Variants in GRID2 observed in about 807,000 individuals in gnomAD.
GRID2 encodes the protein glutamate receptor ionotropic, delta-2.
Under a neutral mutation model 114.8 loss-of-function variants are expected in GRID2, and 33 were observed. That is an observed-to-expected ratio of 0.29 (90% CI 0.22 to 0.38). The LOEUF is 0.38. Ranked by LOEUF, GRID2 falls within the 10% of genes least tolerant of loss-of-function variation. GRID2 has a pLI of 1.00. For missense variants in GRID2, 1,184 were observed against 1,257.7 expected, an observed-to-expected ratio of 0.94 and a Z score of 0.89; for synonymous variants, 505 against 449.9, an observed-to-expected ratio of 1.12 and a Z score of -1.55.
chr4:92,598,443 TGACTCTCCATATTATACTGCA>T (rs931582779), intron 2 of GRID2, among the ~76,000 whole-genome samples: 1 of 152,176 alleles, frequency 6.6e-6, no homozygotes, highest in African/African-American at 2.4e-5. Flanking sequence ...TTTTAATCCT[TGACTCTCCATATTATACTGCA>T]GACACTCAAA....
At chr4:93,102,570 G>T (rs1452181209) in intron 3 of GRID2, among the ~76,000 whole-genome samples, 2 of 151,610 alleles carry the variant, frequency 1.3e-5, no homozygotes, top group African/African-American at 2.4e-5. Flanking sequence ...TAGGCCAGAG[G>T]ACATGGAGAG....
intron 2 of GRID2, among the ~76,000 whole-genome samples, chr4:92,692,024 C>CA (rs1734206423): frequency 1.3e-5 from 2 of 152,058 alleles, no homozygotes; most frequent in East Asian, 3.8e-4. Flanking sequence ...AACTTAGAGA[C>CA]AAAAAGCCAC....
At chr4:92,314,842 CT>C (rs1467178020) in intron 1 of GRID2, among the ~76,000 whole-genome samples, 1 of 152,106 alleles carries the variant, frequency 6.6e-6, no homozygotes, top group Non-Finnish European at 1.5e-5. Flanking sequence ...GTAAAGGATA[CT>C]CAACGTGTAG....
chr4:92,960,446 G>C (rs1408567108), intron 2 of GRID2, among the ~76,000 whole-genome samples: 1 of 151,980 alleles, frequency 6.6e-6, no homozygotes, highest in Non-Finnish European at 1.5e-5. Context: ...ATGCAATGCT[G>C]TTAAGTATGT....
intron 2 of GRID2, among the ~76,000 whole-genome samples, chr4:92,785,938 T>A (rs1460941719): frequency 1.3e-5 from 2 of 151,878 alleles, no homozygotes; most frequent in Non-Finnish European, 2.9e-5. Context: ...GAACATATGA[T>A]TTAAGTTTAA....
intron 2 of GRID2, among the ~76,000 whole-genome samples, chr4:92,949,024 C>A (rs180999434): frequency 4.6e-5 from 7 of 150,966 alleles, no homozygotes; most frequent in African/African-American, 1.7e-4. Flanking sequence ...GCTTGATGTG[C>A]TTTTCTCTTA....
intron 8 of GRID2, among the ~76,000 whole-genome samples, chr4:93,259,388 A>G (rs1474497313): frequency 6.6e-6 from 1 of 151,846 alleles, no homozygotes; most frequent in Non-Finnish European, 1.5e-5. Context: ...CCAGAACCCA[A>G]AGAAATCAAT....
chr4:92,563,322 G>A (rs1727185693), intron 1 of GRID2, among the ~76,000 whole-genome samples: 1 of 152,216 alleles, frequency 6.6e-6, no homozygotes, highest in South Asian at 2.1e-4. Flanking sequence ...CTACTTGTTT[G>A]TGGTATCCTT....
chr4:93,530,966 A>C (rs1731379695), intron 13 of GRID2, among the ~76,000 whole-genome samples: 1 of 152,166 alleles, frequency 6.6e-6, no homozygotes, highest in African/African-American at 2.4e-5. Context: ...GGCTCCCAGT[A>C]AAATAATTTA....
rs1473703340 is a variant in GRID2, at chr4:93,094,274, G to T, written c.529+8995G>T. Among the ~76,000 whole-genome samples, 3 of 152,018 alleles carry T rather than the reference G, an allele frequency of 2.0e-5. No individual in the cohort carries two copies. In the East Asian group the frequency reaches 5.8e-4, roughly 29 times the overall value. ...CTGATTTTCATTCTGCCTTCTCAAG[G>T]AGTGCAGTATGTTTAAAATACTACT... On this transcript the variant is annotated intron_variant, in intron 3 of 15. Transcript: ENST00000282020.
chr4:93,343,680 A>AT (rs112657234), intron 8 of GRID2, among the ~76,000 whole-genome samples: 91,055 of 151,722 alleles, frequency 0.6, 27,615 homozygotes, highest in East Asian at 0.74. Flanking sequence ...CATCAAAAAA[A>AT]TTTTTTTAAA....
intron 14 of GRID2, among the ~76,000 whole-genome samples, chr4:93,729,065 C>A (rs1043862264): frequency 3.3e-5 from 5 of 152,132 alleles, no homozygotes; most frequent in African/African-American, 1.2e-4. Context: ...TTAGTTGATG[C>A]AGTTTCTTCC....
chr4:93,725,049 A>G (rs1002846169), intron 14 of GRID2, among the ~76,000 whole-genome samples: 1 of 152,100 alleles, frequency 6.6e-6, no homozygotes, highest in Admixed American at 6.5e-5. Flanking sequence ...TTTGTTACAT[A>G]TGTATACATG....
chr4:93,160,366 C>T (rs888398231), intron 4 of GRID2, among the ~76,000 whole-genome samples: 3 of 151,704 alleles, frequency 2.0e-5, no homozygotes, highest in Admixed American at 6.6e-5. Flanking sequence ...TTTTCCAGTT[C>T]GTCTCGAGTC....
rs753501234 is a variant in GRID2 at position 93,772,380 on chromosome 4, C to T, written c.2906C>T (p.Ala969Val). The T allele has an allele frequency of 6.2e-7, 1 of 1,613,892 alleles. No homozygotes were observed. ...CGAACTGGCCCTTTTAGGCACAGGG[C>T]ACCTAATGGGGGCTTTTTCAGGAGT... Reference protein sequence around the residue: ...EHRTGPFRHRAPNGGFFRSPI... With the variant: ...EHRTGPFRHRVPNGGFFRSPI... The change falls in exon 16 of 16, where the codon GCA becomes GTA. Residue 969 changes from alanine to valine, a missense_variant. Around this residue, in one of 3 missense-constraint regions of GRID2, gnomAD observed 717 missense variants for 796.9 expected, o/e 0.90. Transcript: ENST00000282020.
intron 2 of GRID2, among the ~76,000 whole-genome samples, chr4:93,034,454 A>G (rs1724727830): frequency 6.6e-6 from 1 of 152,154 alleles, no homozygotes; most frequent in Non-Finnish European, 1.5e-5. Context: ...TAAGAATCCA[A>G]TCACCTTGCA....
At chr4:93,326,622 A>G (rs1168623864) in intron 8 of GRID2, among the ~76,000 whole-genome samples, 3 of 151,866 alleles carry the variant, frequency 2.0e-5, no homozygotes, top group Non-Finnish European at 4.4e-5. Flanking sequence ...TTCTATGTGA[A>G]GGCAAGATAG....
intron 9 of GRID2, among the ~76,000 whole-genome samples, chr4:93,402,225 C>T (rs755752567): frequency 1.3e-5 from 2 of 152,120 alleles, no homozygotes; most frequent in Non-Finnish European, 2.9e-5. Flanking sequence ...ACTCAACTTG[C>T]AGTCAAAAGG....
At chr4:93,786,980 G>T (rs1315635939) in intron 1 of GRID2, among the ~76,000 whole-genome samples, 1 of 151,958 alleles carries the variant, frequency 6.6e-6, no homozygotes, top group Non-Finnish European at 1.5e-5. Flanking sequence ...AGGCCATTTT[G>T]ATTAGAGTGT....
Sources: gnomAD v4.1 joint callset for allele counts (sites outside exome capture counted in the v4.1 genomes callset) on GRCh38, gnomAD v4.1.1 for gene constraint, gnomAD v4.1.1 regional missense constraint, MANE v1.5 for transcripts, NCBI Gene and HGNC (gene_info 2026-07-23, HGNC 2026-07-21) for gene names.